Variants in RPGRIP1 observed in about 807,000 individuals in gnomAD.
The protein encoded by RPGRIP1 is X-linked retinitis pigmentosa GTPase regulator-interacting protein 1.
In RPGRIP1, 128 loss-of-function variants were observed where a neutral mutation model predicts 157.9. The observed-to-expected ratio is 0.81, with a 90% CI of 0.70 to 0.94. RPGRIP1 has a LOEUF of 0.94. RPGRIP1 is among the 40% of genes least tolerant of loss of function. The probability of loss-of-function intolerance (pLI) is 0.00; values close to 1 mark genes in which losing one functional copy is unlikely to be tolerated. For synonymous variants in RPGRIP1, 554 were observed against 571.6 expected (o/e 0.97, Z 0.44); for missense variants, 1,486 against 1,545.8 (o/e 0.96, Z 0.65).
In RPGRIP1 at chr14:21,304,387, G is replaced by C. The variant is rs559913511; in HGVS notation, c.800+844G>C. On this transcript the variant is annotated intron_variant, in intron 6 of 24. Coordinates refer to ENST00000400017, the MANE Select transcript of RPGRIP1 (RefSeq NM_020366.4). ...GGAAGGAAGGGAGGGAGGAAGGAGAGAGAGAAAGAAAGAAAGAAAGAAAGA... is the reference window on the plus strand; with the variant it reads ...GGAAGGAAGGGAGGGAGGAAGGAGACAGAGAAAGAAAGAAAGAAAGAAAGA... Among the ~76,000 whole-genome samples the C allele has an allele frequency of 7.4e-3, 680 of 91,600 alleles. 6 individuals carry two copies. The highest frequency in any genetic ancestry group is 0.027 in the African/African-American group (633 of 23,680). The allele number at this position is 91,600 out of a possible 152,430, so 60.1% of individuals were successfully genotyped here. A position where few individuals can be genotyped will look rare whatever the true frequency, so the allele number is the denominator to read the frequency against.
Position 21,345,164 on chromosome 14 carries a change from AC to A in RPGRIP1, c.3585del (p.Asp1195GlufsTer3), listed in dbSNP as rs1566368719. ...CAAGGCCGAAGGCGGTTTCTGTTCG[AC>A]ATGCTGAATGGACAAGATCCTGATC... ...EQQGRRRFLFDMLNGQDPDQG... is the reference protein window; with the variant it reads ...EQQGRRRFLFXMLNGQDPDQG... On this transcript the variant is annotated frameshift_variant, in exon 23 of 25. Transcript: ENST00000400017. LOFTEE classifies it high-confidence loss of function. 1 of 1,613,580 alleles carries A rather than the reference AC, an allele frequency of 6.2e-7. No homozygotes were observed. Among genetic ancestry groups the A allele is most frequent in the African/African-American group, 1.3e-5 (1 of 75,048 alleles).
chr14:21,298,948 A>G (rs111697780), intron 3 of RPGRIP1, among the ~76,000 whole-genome samples: 1 of 150,922 alleles, frequency 6.6e-6, no homozygotes. Context: ...TCATAAAAAA[A>G]AAAAAAAAAA....
chr14:21,340,030 G>T (rs772013278), intron 21 of RPGRIP1, among the ~76,000 whole-genome samples: 25 of 152,286 alleles, frequency 1.6e-4, no homozygotes, highest in Non-Finnish European at 2.6e-4. Context: ...CTCTGAGGAG[G>T]GGACGTTTGA....
chr14:21,306,539 A>G (rs914162726), intron 6 of RPGRIP1, among the ~76,000 whole-genome samples: 5 of 150,230 alleles, frequency 3.3e-5, no homozygotes, highest in African/African-American at 1.2e-4. Flanking sequence ...GCTCACTGTA[A>G]TCTCCACCTC....
intron 10 of RPGRIP1, among the ~76,000 whole-genome samples, chr14:21,316,404 G>C (rs781709094): frequency 1.6e-4 from 25 of 151,974 alleles, no homozygotes; most frequent in Admixed American, 5.2e-4. Flanking sequence ...GAACCATCCA[G>C]CCTGGCCGGT....
chr14:21,286,254 G>A (rs960043679), intron 1 of RPGRIP1, among the ~76,000 whole-genome samples: 2 of 151,912 alleles, frequency 1.3e-5, no homozygotes, highest in African/African-American at 2.4e-5. Flanking sequence ...ACCTCCCAAA[G>A]TGCCGGGGTT....
In RPGRIP1 at chr14:21,301,215, G is replaced by A. The variant is rs1486358089; in HGVS notation, c.468G>A (p.Pro156=). 11 of 1,590,968 alleles carry A rather than the reference G, an allele frequency of 6.9e-6. No individual in the cohort carries two copies. The highest frequency in any genetic ancestry group is 2.3e-5 in the East Asian group (1 of 43,634). The part of the protein sequence containing the change: ...GHRQLHTAGA[P]VPEKPKRGPR... ...GACAGCTCCACACAGCCGGTGCACC[G>A]GTGCCGGAGAAACCCAAGAGGGGTG... The change falls in exon 4 of 25, where the codon CCG becomes CCA. Residue 156 remains proline (P), a synonymous_variant. Transcript: ENST00000400017.
intron 6 of RPGRIP1, among the ~76,000 whole-genome samples, chr14:21,304,029 C>A (rs1373801420): frequency 2.7e-5 from 4 of 145,640 alleles, no homozygotes; most frequent in East Asian, 4.2e-4. Context: ...AATGAATTAA[C>A]CTTCTGGGCG....
At chr14:21,293,572 G>C (rs1016806996) in intron 2 of RPGRIP1, among the ~76,000 whole-genome samples, 2 of 151,602 alleles carry the variant, frequency 1.3e-5, no homozygotes, top group Non-Finnish European at 2.9e-5. Context: ...GTGAAACCCT[G>C]TCTCTACTAA....
intron 19 of RPGRIP1, 100 bp from the exon 20 acceptor site, chr14:21,330,148 AT>A (rs1426440753): frequency 1.3e-6 from 1 of 754,796 alleles, no homozygotes; most frequent in Non-Finnish European, 2.0e-6. Flanking sequence ...AATTAAAAAA[AT>A]AAAAAGAGCT....
intron 21 of RPGRIP1, among the ~76,000 whole-genome samples, chr14:21,335,806 C>CAAAAAAAAAAAAAAAAAAAAA (rs536624884): frequency 6.7e-6 from 1 of 149,906 alleles, no homozygotes; most frequent in African/African-American, 2.5e-5. Flanking sequence ...GACTACGTCT[C>CAAAAAAAAAAAAAAAAAAAAA]AAAAAAAAGA....
At position 21,345,195 on chromosome 14, in the gene RPGRIP1, A is replaced by G; in HGVS notation, c.3615A>G (p.Gly1205=). 1 of 1,609,360 alleles carries G rather than the reference A, an allele frequency of 6.2e-7. No homozygotes were observed. Among genetic ancestry groups the G allele is most frequent in the South Asian group, 1.1e-5 (1 of 90,380 alleles). The part of the protein sequence containing the change: ...DMLNGQDPDQ[G]HLKFTVVSDP... ...TGAATGGACAAGATCCTGATCAAGGACAGTAAGCATCTGCTTTCCACTTTG... is the reference window on the plus strand; with the variant it reads ...TGAATGGACAAGATCCTGATCAAGGGCAGTAAGCATCTGCTTTCCACTTTG... Residue 1205 remains glycine, a splice_region_variant and synonymous_variant, in exon 23 of 25, where the codon GGA becomes GGG. Transcript: ENST00000400017.
At position 21,326,173 on chromosome 14, in the gene RPGRIP1, G is replaced by A. The variant is rs918924266; in HGVS notation, c.2710G>A (p.Gly904Ser). Reference protein sequence around the residue: ...LPLAKNESIKGDFNLTDPAEK... With the variant: ...LPLAKNESIKSDFNLTDPAEK... ...TCTTGCAAAAAATGAATCTATCAAA[G>A]GTGGGAGTTCGAGGTTATTACATCT... Residue 904 changes from glycine (G) to serine (S), a missense_variant and splice_region_variant, in exon 17 of 25, where the codon GGT becomes AGT. Physicochemically the swap from Gly to Ser is moderately conservative, Grantham distance 56 (BLOSUM62 0). Transcript: ENST00000400017. The A allele has an allele frequency of 6.4e-7, 1 of 1,558,216 alleles. No homozygotes were observed. The highest frequency in any genetic ancestry group is 1.2e-5 in the South Asian group (1 of 81,338).
At chr14:21,311,527 A>T (rs1881541191) in intron 8 of RPGRIP1, among the ~76,000 whole-genome samples, 1 of 149,940 alleles carries the variant, frequency 6.7e-6, no homozygotes, top group Non-Finnish European at 1.5e-5. Context: ...CAGCCTGGGC[A>T]ACAGAGCGAG....
chr14:21,295,238 C>T (rs1217218720), intron 3 of RPGRIP1, among the ~76,000 whole-genome samples: 1 of 151,986 alleles, frequency 6.6e-6, no homozygotes, highest in East Asian at 1.9e-4. Flanking sequence ...TCATTAAGAG[C>T]TTGGGTGATA....
intron 11 of RPGRIP1, chr14:21,318,192 C>T (rs751641573): frequency 2.0e-4 from 95 of 477,976 alleles, no homozygotes; most frequent in East Asian, 1.2e-3. Context: ...CTGCAACCTT[C>T]ACCTCCCAGG....
At chr14:21,286,238 G>A (rs887230683) in intron 1 of RPGRIP1, among the ~76,000 whole-genome samples, 4 of 151,960 alleles carry the variant, frequency 2.6e-5, no homozygotes, top group East Asian at 1.9e-4. Context: ...CGATCCGCCC[G>A]CCTCAACCTC....
rs769077602 is a variant in RPGRIP1, at chr14:21,324,743, C to T, written c.1888C>T (p.Leu630=). 30 of 1,614,058 alleles carry T rather than the reference C, an allele frequency of 1.9e-5. No individual in the cohort carries two copies. Among genetic ancestry groups the T allele is most frequent in the South Asian group, 1.8e-4 (16 of 91,090 alleles). Reference sequence around the variant, plus strand: ...GCATCAGGGTGAGAATCTTTTTGAACTGCACATCCACCAGGCCTTCCTGAC... The same window carrying T: ...GCATCAGGGTGAGAATCTTTTTGAATTGCACATCCACCAGGCCTTCCTGAC... ...LLHQGENLFE[L]HIHQAFLTSA... The change falls in exon 15 of 25, where the codon CTG becomes TTG. Residue 630 remains leucine, a synonymous_variant. Coordinates refer to ENST00000400017, the MANE Select transcript of RPGRIP1 (RefSeq NM_020366.4).
chr14:21,349,366 G>A lies in RPGRIP1; in HGVS notation c.3748+1064G>A, dbSNP rs188680373. Reference sequence around the variant, plus strand: ...ATTACAGGCATAAACCACTGCGCCCGGCCTCCTTAAATATAATTACTATAA... The same window carrying A: ...ATTACAGGCATAAACCACTGCGCCCAGCCTCCTTAAATATAATTACTATAA... On this transcript the variant is annotated intron_variant, in intron 24 of 24. Transcript: ENST00000400017. Among the ~76,000 whole-genome samples, 445 of 147,202 alleles carry A rather than the reference G, an allele frequency of 3.0e-3. 3 individuals are homozygous for A. Among genetic ancestry groups the A allele is most frequent in the African/African-American group, 9.7e-3 (388 of 39,834 alleles).
Sources: gnomAD v4.1 joint callset for allele counts (sites outside exome capture counted in the v4.1 genomes callset) on GRCh38, gnomAD v4.1.1 for gene constraint, MANE v1.5 for transcripts, NCBI Gene and HGNC (gene_info 2026-07-23, HGNC 2026-07-21) for gene names.